The following RANBP2 variants were observed in gnomAD, a reference collection of about 807,000 sequenced individuals.
RANBP2 encodes E3 SUMO-protein ligase RanBP2.
RANBP2 carries 57 observed loss-of-function variants against 303.6 expected under a neutral mutation model. The observed-to-expected ratio is 0.19, with a 90% CI of 0.15 to 0.23. RANBP2 has a LOEUF of 0.23. RANBP2 is among the 10% of genes least tolerant of loss of function. The pLI, the probability that RANBP2 is intolerant of heterozygous loss-of-function variation, is 1.00. For synonymous variants in RANBP2, 1,167 were observed against 1,301.5 expected (o/e 0.90, Z 2.23); for missense variants, 3,138 against 3,780.8 (o/e 0.83, Z 4.46).
the RANBP2 span, among the ~76,000 whole-genome samples, chr2:109,279,926 G>A: frequency 6.6e-6 from 1 of 151,900 alleles, no homozygotes; most frequent in Non-Finnish European, 1.5e-5. Context: ...TAATTGGGGG[G>A]CGGTAAGAGG....
chr2:109,426,158 C>G, the RANBP2 span, among the ~76,000 whole-genome samples: 1 of 152,230 alleles, frequency 6.6e-6, no homozygotes, highest in Admixed American at 6.5e-5. Flanking sequence ...ATCCGTCCGC[C>G]TTGGCCTCCC....
At chr2:109,359,815 A>G in the RANBP2 span, among the ~76,000 whole-genome samples, 2 of 152,120 alleles carry the variant, frequency 1.3e-5, no homozygotes, top group Non-Finnish European at 2.9e-5. Context: ...CAGCTGTGAT[A>G]TTTATTTTCC....
the RANBP2 span, chr2:109,490,609 A>G: frequency 1.4e-6 from 2 of 1,438,662 alleles, no homozygotes; most frequent in Admixed American, 2.6e-5. Flanking sequence ...CCCCAGAAAG[A>G]GAAGAAGAGT....
chr2:109,206,656 T>A, the RANBP2 span, among the ~76,000 whole-genome samples: 4,051 of 151,108 alleles, frequency 0.027, 106 homozygotes, highest in Non-Finnish European at 0.036. Flanking sequence ...AAAAAAAAAA[T>A]TTTTTTTAAA....
the RANBP2 span, among the ~76,000 whole-genome samples, chr2:109,324,605 T>C: frequency 6.6e-6 from 1 of 152,366 alleles, no homozygotes; most frequent in East Asian, 1.9e-4. Context: ...ATTTGCAAAG[T>C]GCTAATAAGC....
chr2:108,879,141 A>C, the RANBP2 span, among the ~76,000 whole-genome samples: 2 of 152,164 alleles, frequency 1.3e-5, no homozygotes, highest in African/African-American at 4.8e-5. Context: ...TTATTTATTT[A>C]TTTAATTTTC....
At chr2:109,584,201 G>A in the RANBP2 span, among the ~76,000 whole-genome samples, 5 of 152,108 alleles carry the variant, frequency 3.3e-5, no homozygotes, top group Non-Finnish European at 7.4e-5. Flanking sequence ...ATAAGACTGG[G>A]CGCAGTTGCT....
the RANBP2 span, among the ~76,000 whole-genome samples, chr2:109,732,165 T>G: frequency 6.6e-6 from 1 of 152,308 alleles, no homozygotes; most frequent in Admixed American, 6.5e-5. Context: ...GCCATAAGTG[T>G]ATATACTATT....
chr2:109,682,990 C>T, the RANBP2 span, among the ~76,000 whole-genome samples: 689 of 152,242 alleles, frequency 4.5e-3, 11 homozygotes, highest in African/African-American at 0.016. Flanking sequence ...TCCCTTTTCC[C>T]TAAGAAGGAG....
chr2:108,812,839 C>G, the RANBP2 span: 34 of 1,612,558 alleles, frequency 2.1e-5, no homozygotes, highest in Non-Finnish European at 1.6e-5. Flanking sequence ...GAGTTTATGA[C>G]AATACAGAGA....
At chr2:109,098,983 C>T in the RANBP2 span, among the ~76,000 whole-genome samples, 3 of 152,190 alleles carry the variant, frequency 2.0e-5, no homozygotes, top group African/African-American at 7.2e-5. Context: ...GAAAGGAGGG[C>T]TTTATTTCTC....
chr2:109,420,176 C>T, the RANBP2 span, among the ~76,000 whole-genome samples: 1 of 152,194 alleles, frequency 6.6e-6, no homozygotes, highest in Non-Finnish European at 1.5e-5. Context: ...GAAAATCTGC[C>T]CAGTTAAATT....
chr2:108,943,546 G>A, the RANBP2 span, among the ~76,000 whole-genome samples: 1 of 152,212 alleles, frequency 6.6e-6, no homozygotes, highest in Non-Finnish European at 1.5e-5. Context: ...GGCAGGTGGT[G>A]ACTAGTCCGA....
the RANBP2 span, among the ~76,000 whole-genome samples, chr2:108,921,864 G>T: frequency 6.6e-6 from 1 of 152,268 alleles, no homozygotes; most frequent in African/African-American, 2.4e-5. Context: ...TGGGAACACA[G>T]CAGGACTGTC....
the RANBP2 span, chr2:108,812,941 A>G: frequency 2.5e-6 from 4 of 1,609,802 alleles, no homozygotes; most frequent in Non-Finnish European, 3.4e-6. Flanking sequence ...AGTTTGAATT[A>G]TGATTTGATA....
At chr2:109,067,178 T>A in the RANBP2 span, among the ~76,000 whole-genome samples, 1 of 151,816 alleles carries the variant, frequency 6.6e-6, no homozygotes, top group Non-Finnish European at 1.5e-5. Flanking sequence ...GGACGCACAG[T>A]GAGGACGCAG....
At chr2:109,348,304 A>G in the RANBP2 span, among the ~76,000 whole-genome samples, 1 of 152,192 alleles carries the variant, frequency 6.6e-6, no homozygotes, top group Admixed American at 6.5e-5. Context: ...ACGCCTTTCC[A>G]GGACTCTTGG....
chr2:109,564,574 T>C, the RANBP2 span: 8 of 1,443,734 alleles, frequency 5.5e-6, no homozygotes, highest in Non-Finnish European at 7.4e-6. Flanking sequence ...CACTGGATTT[T>C]AATTCCTGGC....
chr2:109,512,979 C>G, the RANBP2 span, among the ~76,000 whole-genome samples: 2 of 152,218 alleles, frequency 1.3e-5, no homozygotes, highest in African/African-American at 4.8e-5. Flanking sequence ...TCTCAGTCAC[C>G]TAAGGGAGGG....
Sources: allele counts gnomAD v4.1 joint callset (sites outside exome capture counted in the v4.1 genomes callset), GRCh38; gene constraint gnomAD v4.1.1; transcripts MANE v1.5; gene names NCBI Gene and HGNC (gene_info 2026-07-23, HGNC 2026-07-21).